PXDNL: variants seen among roughly 807,000 people sequenced by gnomAD.
PXDNL encodes the protein probable oxidoreductase PXDNL.
PXDNL carries 145 observed loss-of-function variants against 150.8 expected under a neutral mutation model. The observed-to-expected ratio is 0.96, with a 90% confidence interval of 0.84 to 1.10. The LOEUF (loss-of-function observed/expected upper bound fraction) is 1.10, where lower values mean the gene tolerates loss of function less well. Among genes scored for constraint, PXDNL ranks in the 50% least tolerant of loss-of-function variants. The pLI is 0.00. For synonymous variants in PXDNL, 757 were observed against 725.7 expected, an observed-to-expected ratio of 1.04 and a Z score of -0.69; for missense variants, 2,087 against 1,873.9, an observed-to-expected ratio of 1.11 and a Z score of -2.10.
At chr8:51,543,500 C>A (rs1346732068) in intron 4 of PXDNL, among the ~76,000 whole-genome samples, 2 of 151,856 alleles carry the variant, frequency 1.3e-5, no homozygotes, top group Non-Finnish European at 1.5e-5. Flanking sequence ...ATCACAAGGT[C>A]AGGAGATTGA....
At position 51,320,907 on chromosome 8, in the gene PXDNL, G is replaced by A; in HGVS notation, c.4147-10C>T. 6.3e-7 allele frequency: 1 copy of A among 1,597,562 alleles called. No individual in the cohort carries two copies. On this transcript the variant is annotated splice_polypyrimidine_tract_variant and intron_variant, in intron 21 of 22. Transcript: ENST00000356297. ...CCTCCAGCTTGTTTATCTGAAAGGG[G>A]AGGCAAAGGAAAGAAGAGTGGAAAT... is the stretch of plus-strand genomic sequence containing the variant.
intron 4 of PXDNL, among the ~76,000 whole-genome samples, chr8:51,513,950 T>A (rs1811478605): frequency 1.3e-5 from 2 of 152,218 alleles, no homozygotes; most frequent in African/African-American, 2.4e-5. Context: ...AACCTGACCA[T>A]AAATGAATAT....
intron 1 of PXDNL, among the ~76,000 whole-genome samples, chr8:51,705,852 C>T (rs1278210207): frequency 1.2e-4 from 17 of 142,496 alleles, no homozygotes; most frequent in South Asian, 9.0e-4. Flanking sequence ...CGCGCGCGCG[C>T]GTGCATGCAC....
At chr8:51,743,238 G>A (rs1057105055) in intron 1 of PXDNL, among the ~76,000 whole-genome samples, 2 of 152,086 alleles carry the variant, frequency 1.3e-5, no homozygotes, top group African/African-American at 4.8e-5. Context: ...GTTTTTTTGA[G>A]ACAGGGTCTC....
chr8:51,761,120 G>A (rs1276402514), intron 1 of PXDNL, among the ~76,000 whole-genome samples: 2 of 146,196 alleles, frequency 1.4e-5, no homozygotes, highest in Non-Finnish European at 3.0e-5. Flanking sequence ...TGATCCGCCC[G>A]CCTCGGCCTC....
chr8:51,740,612 C>T (rs779980378), intron 1 of PXDNL, among the ~76,000 whole-genome samples: 47 of 152,076 alleles, frequency 3.1e-4, no homozygotes, highest in Non-Finnish European at 5.9e-4. Flanking sequence ...TGTTTGTTGG[C>T]TGCATAAATG....
chr8:51,616,828 A>C (rs1437933826), intron 2 of PXDNL, among the ~76,000 whole-genome samples: 1 of 152,218 alleles, frequency 6.6e-6, no homozygotes, highest in East Asian at 1.9e-4. Context: ...CCAAATTTGA[A>C]ACCCACAGAT....
intron 2 of PXDNL, among the ~76,000 whole-genome samples, chr8:51,650,487 T>G (rs575979549): frequency 2.0e-5 from 3 of 152,132 alleles, no homozygotes; most frequent in Non-Finnish European, 4.4e-5. Context: ...GAAGAGAAAT[T>G]TATTAGGAAG....
intron 1 of PXDNL, among the ~76,000 whole-genome samples, chr8:51,685,086 C>A (rs1473719186): frequency 1.3e-5 from 2 of 152,216 alleles, no homozygotes; most frequent in Admixed American, 1.3e-4. Flanking sequence ...CAGACAATTT[C>A]TGTTTGTTTT....
intron 5 of PXDNL, among the ~76,000 whole-genome samples, chr8:51,485,136 G>A (rs915129387): frequency 5.3e-5 from 8 of 152,076 alleles, no homozygotes; most frequent in African/African-American, 1.9e-4. Context: ...TATGTTTTTG[G>A]CTTTATTTTA....
intron 1 of PXDNL, among the ~76,000 whole-genome samples, chr8:51,673,178 T>C (rs968080019): frequency 6.6e-6 from 1 of 152,164 alleles, no homozygotes; most frequent in Non-Finnish European, 1.5e-5. Flanking sequence ...TTATGGTACA[T>C]CAATATTTAA....
Position 51,347,318 on chromosome 8 carries a change from T to C in PXDNL, c.3902-1371A>G, listed in dbSNP as rs1333993897. Among the ~76,000 whole-genome samples, 4 of 152,310 alleles carry C rather than the reference T, an allele frequency of 2.6e-5. No individual in the cohort carries two copies. The East Asian group carries it at 7.7e-4, about 29-fold the overall frequency. On this transcript the variant is annotated intron_variant, in intron 19 of 22. Transcript: ENST00000356297. ...AAAGATTATTAAGCTAACATGAATA[T>C]GAAATTTAGGATGATTTTTAAAATA...
chr8:51,798,060 A>G (rs1002040018), intron 1 of PXDNL, among the ~76,000 whole-genome samples: 5 of 152,232 alleles, frequency 3.3e-5, no homozygotes, highest in African/African-American at 1.2e-4. Flanking sequence ...AAACCTGACA[A>G]AAACAAGCAA....
At chr8:51,525,672 C>T (rs62505318) in intron 4 of PXDNL, among the ~76,000 whole-genome samples, 18,484 of 152,184 alleles carry the variant, frequency 0.12, 1,545 homozygotes, top group Non-Finnish European at 0.18. Flanking sequence ...AACCCTAAAA[C>T]CAGTGATCCT....
intron 8 of PXDNL, among the ~76,000 whole-genome samples, chr8:51,469,712 T>G (rs1810282094): frequency 6.6e-6 from 1 of 152,110 alleles, no homozygotes; most frequent in Admixed American, 6.5e-5. Flanking sequence ...GAACAGATGT[T>G]TGTTTAAAAT....
intron 2 of PXDNL, among the ~76,000 whole-genome samples, chr8:51,650,277 A>G (rs973641985): frequency 5.3e-5 from 8 of 152,176 alleles, no homozygotes; most frequent in East Asian, 1.9e-4. Flanking sequence ...TTAAAAAAAA[A>G]TAAGTCTTCC....
chr8:51,555,792 A>T (rs761318452), intron 4 of PXDNL, among the ~76,000 whole-genome samples: 1 of 152,192 alleles, frequency 6.6e-6, no homozygotes, highest in Non-Finnish European at 1.5e-5. Flanking sequence ...AAACACTTGT[A>T]ATTGAGAGAA....
At chr8:51,407,779 G>A (rs1012992778) in intron 17 of PXDNL, among the ~76,000 whole-genome samples, 11 of 152,156 alleles carry the variant, frequency 7.2e-5, no homozygotes, top group African/African-American at 2.7e-4. Flanking sequence ...GATTACCGCA[G>A]AACACGAATG....
intron 1 of PXDNL, among the ~76,000 whole-genome samples, chr8:51,743,132 T>C (rs763164854): frequency 6.6e-6 from 1 of 151,220 alleles, no homozygotes; most frequent in Non-Finnish European, 1.5e-5. Flanking sequence ...AACAAAAGAA[T>C]TGCCTTTAAA....
Sources: gnomAD v4.1 joint callset for allele counts (sites outside exome capture counted in the v4.1 genomes callset) on GRCh38, gnomAD v4.1.1 for gene constraint, MANE v1.5 for transcripts, NCBI Gene and HGNC (gene_info 2026-07-23, HGNC 2026-07-21) for gene names.